The following SLC13A3 variants were observed in gnomAD, a reference collection of about 807,000 sequenced individuals.
SLC13A3 encodes Na(+)/dicarboxylate cotransporter 3.
SLC13A3 carries 40 observed loss-of-function variants against 59.0 expected under a neutral mutation model. That is an observed-to-expected ratio of 0.68 (90% CI 0.53 to 0.88). SLC13A3 has a LOEUF of 0.88. Ranked by LOEUF, SLC13A3 falls within the 40% of genes least tolerant of loss-of-function variation. SLC13A3 has a pLI of 0.00. For missense variants in SLC13A3, 699 were observed against 783.2 expected (o/e 0.89, Z 1.28); for synonymous variants, 317 against 330.3 (o/e 0.96, Z 0.44).
intron 1 of SLC13A3, among the ~76,000 whole-genome samples, chr20:46,629,653 C>T (rs2425884): frequency 0.47 from 70,715 of 151,834 alleles, 16,795 homozygotes; most frequent in East Asian, 0.73. Context: ...TAATATTTCC[C>T]CATTTTGCTC....
In SLC13A3 at chr20:46,580,655, T is replaced by C. The variant is rs537112879; in HGVS notation, c.1219+2917A>G. On this transcript the variant is annotated intron_variant, in intron 9 of 12. Transcript: ENST00000279027. ...GTGAGAAAGTAAGGCTCAGACAATA[T>C]AGGACCTTCCCTGAGGTCACCCAGA... Among the ~76,000 whole-genome samples the C allele has an allele frequency of 2.6e-5, 4 of 152,152 alleles. No individual in the cohort carries two copies. In the South Asian group the frequency reaches 8.3e-4, roughly 32 times the overall value.
intron 10 of SLC13A3, among the ~76,000 whole-genome samples, chr20:46,567,377 A>G (rs2061990211): frequency 6.6e-6 from 1 of 152,132 alleles, no homozygotes. Flanking sequence ...CAACCATCCC[A>G]AAAGGTAAAT....
rs562268857 is a variant in SLC13A3, at chr20:46,568,811, G to A, written c.1333-2421C>T. On this transcript the variant is annotated intron_variant, in intron 10 of 12. Transcript: ENST00000279027. ...CAAGTGAGAAGCCAGGAGCTGCCCCGTAGCTGGGCCTCTGAGTGACCGGGC... is the reference window on the plus strand; with the variant it reads ...CAAGTGAGAAGCCAGGAGCTGCCCCATAGCTGGGCCTCTGAGTGACCGGGC... Among the ~76,000 whole-genome samples the A allele has an allele frequency of 1.2e-3, 182 of 152,350 alleles. 1 individual carries two copies. Among genetic ancestry groups the A allele is most frequent in the South Asian group, 3.5e-3 (17 of 4,820 alleles).
chr20:46,559,751 G>T lies in SLC13A3; in HGVS notation c.*271C>A, dbSNP rs1383828140. 2 of 410,972 alleles carry T rather than the reference G, an allele frequency of 4.9e-6. No individual in the cohort carries two copies. The highest frequency in any genetic ancestry group is 3.4e-5 in the South Asian group (1 of 29,152). The allele number at this position is 410,972 out of a possible 1,614,324, so 25.5% of individuals were successfully genotyped here. A position where few individuals can be genotyped will look rare whatever the true frequency, so the allele number is the denominator to read the frequency against. The stretch of plus-strand genomic sequence containing the variant: ...ACTGTTGATGACACTGGGCTGTCTT[G>T]TATCCTAATGATAAAACAGCTAACT... On this transcript the variant is annotated 3_prime_UTR_variant, in exon 13 of 13. Coordinates refer to ENST00000279027, the MANE Select transcript of SLC13A3 (RefSeq NM_022829.6).
At chr20:46,607,261 G>A (rs1374436214) in intron 3 of SLC13A3, among the ~76,000 whole-genome samples, 3 of 152,178 alleles carry the variant, frequency 2.0e-5, no homozygotes, top group Non-Finnish European at 4.4e-5. Context: ...GAAAATGGGA[G>A]CTCAGCTCAC....
Position 46,596,139 on chromosome 20 carries a change from G to A in SLC13A3, c.794+18C>T. Reference sequence around the variant, plus strand: ...GAGGAGCAGAACCCTCCCCGCCGGTGGGGACTCTCGCTTTCACCTCTTGAG... The same window carrying A: ...GAGGAGCAGAACCCTCCCCGCCGGTAGGGACTCTCGCTTTCACCTCTTGAG... On this transcript the variant is annotated intron_variant, in intron 5 of 12. Transcript: ENST00000279027. 1.9e-6 allele frequency: 3 copies of A among 1,609,238 alleles called. No homozygotes were observed. The highest frequency in any genetic ancestry group is 2.5e-6 in the Non-Finnish European group (3 of 1,177,540).
chr20:46,617,609 C>CGT (rs573612968), intron 1 of SLC13A3, among the ~76,000 whole-genome samples: 20,736 of 69,142 alleles, frequency 0.3, 1,864 homozygotes, highest in Non-Finnish European at 0.33. Flanking sequence ...TGTGTGTGTG[C>CGT]GTGTGTGTGT....
chr20:46,588,176 C>T lies in SLC13A3; in HGVS notation c.1017-13G>A, dbSNP rs1360866460. 1 of 1,558,778 alleles carries T rather than the reference C, an allele frequency of 6.4e-7. No homozygotes were observed. The highest frequency in any genetic ancestry group is 8.8e-7 in the Non-Finnish European group (1 of 1,135,626). On this transcript the variant is annotated splice_polypyrimidine_tract_variant and intron_variant, in intron 7 of 12. Transcript: ENST00000279027. ...CTGTTCGGCAAACCTGTGGCACAGA[C>T]ATGCAGGCATGATGGTGACCCCGGG...
At chr20:46,673,842 A>G (rs1182283184), upstream of SLC13A3, 1 of 152,214 alleles carries the variant, frequency 6.6e-6, no homozygotes, top group Non-Finnish European at 1.5e-5. Context: ...ATTGGGTCTT[A>G]CTGTTAGGAA....
intron 2 of SLC13A3, among the ~76,000 whole-genome samples, 148 bp downstream of exon 2, chr20:46,613,300 GAAATAAATAAAT>G (rs11472968): frequency 8.2e-5 from 12 of 146,172 alleles, no homozygotes; most frequent in East Asian, 4.1e-4. Flanking sequence ...AAATAGTAGA[GAAATAAATAAAT>G]AAATAAATAA....
chr20:46,659,271 T>C (rs540976954), intron 1 of SLC13A3, among the ~76,000 whole-genome samples: 107 of 152,372 alleles, frequency 7.0e-4, no homozygotes, highest in Non-Finnish European at 1.2e-3. Flanking sequence ...TATCAACTGA[T>C]TATATTTTGG....
At chr20:46,634,647 G>A (rs74762546) in intron 1 of SLC13A3, among the ~76,000 whole-genome samples, 9,458 of 152,176 alleles carry the variant, frequency 0.062, 369 homozygotes, top group Non-Finnish European at 0.092. Context: ...CTCACACCCT[G>A]TGGCTGCCCA....
At chr20:46,664,640 A>C (rs2063051746) in intron 1 of SLC13A3, among the ~76,000 whole-genome samples, 1 of 152,258 alleles carries the variant, frequency 6.6e-6, no homozygotes, top group African/African-American at 2.4e-5. Context: ...TATAATCAAA[A>C]GATGAAAATA....
intron 3 of SLC13A3, chr20:46,600,479 C>T (rs2122710329): frequency 5.1e-6 from 1 of 194,746 alleles, no homozygotes; most frequent in East Asian, 1.6e-4. Flanking sequence ...GGTCATTCAG[C>T]ATTCTATCCT....
chr20:46,650,637 C>T (rs886163882), intron 1 of SLC13A3, among the ~76,000 whole-genome samples: 2 of 152,176 alleles, frequency 1.3e-5, no homozygotes, highest in African/African-American at 4.8e-5. Flanking sequence ...CCCATTTTTA[C>T]ACATGAGTAA....
intron 1 of SLC13A3, among the ~76,000 whole-genome samples, chr20:46,618,898 C>T (rs958025446): frequency 6.6e-6 from 1 of 152,210 alleles, no homozygotes; most frequent in Non-Finnish European, 1.5e-5. Flanking sequence ...AATAACACTC[C>T]AGGAGTAGCT....
At chr20:46,599,034 G>T (rs946900464) in intron 4 of SLC13A3, among the ~76,000 whole-genome samples, 1 of 152,142 alleles carries the variant, frequency 6.6e-6, no homozygotes, top group African/African-American at 2.4e-5. Flanking sequence ...TATTCAAACT[G>T]CCCCTTCCCA....
intron 3 of SLC13A3, among the ~76,000 whole-genome samples, chr20:46,607,532 T>TAGGTA (rs2062448316): frequency 1.3e-5 from 2 of 152,168 alleles, no homozygotes; most frequent in South Asian, 4.1e-4. Flanking sequence ...CCTGTAAAGG[T>TAGGTA]AGGTATCTAT....
At position 46,613,735 on chromosome 20, in the gene SLC13A3, G is replaced by C; in HGVS notation, c.112-10C>G. On this transcript the variant is annotated splice_polypyrimidine_tract_variant and intron_variant, in intron 1 of 12. Transcript: ENST00000279027. ...ACAAGCAGCGGCCTTCCTGCAGGAG[G>C]AGATGCATGCTCAGAGGGTCAGCGG... The C allele has an allele frequency of 6.3e-7, 1 of 1,588,792 alleles. No homozygotes were observed. The highest frequency in any genetic ancestry group is 8.6e-7 in the Non-Finnish European group (1 of 1,166,488).
Sources: allele counts gnomAD v4.1 joint callset (sites outside exome capture counted in the v4.1 genomes callset), GRCh38; gene constraint gnomAD v4.1.1; transcripts MANE v1.5; gene names NCBI Gene and HGNC (gene_info 2026-07-23, HGNC 2026-07-21).